Variants in ASH1L observed in about 807,000 individuals in gnomAD.
ASH1L encodes histone-lysine N-methyltransferase ASH1L.
ASH1L carries 23 observed loss-of-function variants against 269.0 expected under a neutral mutation model. The observed-to-expected ratio is 0.09, with a 90% CI of 0.06 to 0.12. The LOEUF is 0.12. Ranked by LOEUF, ASH1L falls within the 10% of genes least tolerant of loss-of-function variation. The probability of loss-of-function intolerance (pLI) is 1.00; values close to 1 mark genes in which losing one functional copy is unlikely to be tolerated. For synonymous variants in ASH1L, 1,187 were observed against 1,253.5 expected (o/e 0.95, Z 1.12); for missense variants, 2,912 against 3,567.8 (o/e 0.82, Z 4.68).
At chr1:155,520,695 T>C (rs1558187675) in intron 2 of ASH1L, among the ~76,000 whole-genome samples, 1 of 151,774 alleles carries the variant, frequency 6.6e-6, no homozygotes, top group Non-Finnish European at 1.5e-5. Flanking sequence ...AAACCCCGTC[T>C]CTACTAAAAA....
intron 2 of ASH1L, among the ~76,000 whole-genome samples, chr1:155,518,116 A>C (rs1668626380): frequency 6.6e-6 from 1 of 152,186 alleles, no homozygotes; most frequent in Non-Finnish European, 1.5e-5. Context: ...TTTCTTTAAC[A>C]AAGTTGCCAA....
chr1:155,430,605 C>T (rs927343920), intron 5 of ASH1L, among the ~76,000 whole-genome samples: 4 of 151,960 alleles, frequency 2.6e-5, no homozygotes, highest in Non-Finnish European at 4.4e-5. Context: ...TATTTATTCC[C>T]TTTCTCATTC....
chr1:155,480,166 T>G lies in ASH1L; in HGVS notation c.2704A>C (p.Lys902Gln). 3.1e-6 allele frequency: 5 copies of G among 1,614,150 alleles called. No individual in the cohort carries two copies. Among genetic ancestry groups the G allele is most frequent in the Non-Finnish European group, 4.2e-6 (5 of 1,179,992 alleles). ...ACTGACAGTACAGGTGGCTTCATCTTGACTGGTGACCTCATTTGCCTCTTA... is the reference window on the plus strand; with the variant it reads ...ACTGACAGTACAGGTGGCTTCATCTGGACTGGTGACCTCATTTGCCTCTTA... The part of the protein sequence containing the change: ...RPKRQMRSPV[K>Q]MKPPVLSVAP... The change falls in exon 3 of 28, where the codon AAG becomes CAG. Residue 902 changes from lysine (K) to glutamine (Q), a missense_variant. Coordinates refer to ENST00000392403, the MANE Select transcript of ASH1L (RefSeq NM_018489.3).
intron 6 of ASH1L, among the ~76,000 whole-genome samples, chr1:155,407,387 T>C (rs1354751523): frequency 6.6e-6 from 1 of 152,194 alleles, no homozygotes; most frequent in Non-Finnish European, 1.5e-5. Context: ...TTTACAATAT[T>C]ATATATACAA....
rs184394808 is a variant in ASH1L at position 155,383,002 on chromosome 1, C to T, written c.6104-2886G>A. On this transcript the variant is annotated intron_variant, in intron 7 of 27. Transcript: ENST00000392403. ...CCTCCCAAAGTGTTGGGATTACAGG[C>T]GTAAGCCGCCATGCCTGGCCCTCTT... 1.3e-4 allele frequency among the ~76,000 whole-genome samples: 20 copies of T among 152,182 alleles called. No individual in the cohort carries two copies. The East Asian group carries it at 3.9e-3, about 29-fold the overall frequency.
intron 19 of ASH1L, 119 bp from the exon 20 acceptor site, chr1:155,348,023 T>G: frequency 8.2e-7 from 1 of 1,219,600 alleles, no homozygotes; most frequent in South Asian, 1.4e-5. Flanking sequence ...TAACAGATTT[T>G]CAATAGTATC....
intron 1 of ASH1L, among the ~76,000 whole-genome samples, chr1:155,522,675 G>A (rs538817976): frequency 6.6e-6 from 1 of 151,806 alleles, no homozygotes; most frequent in East Asian, 1.9e-4. Context: ...AATCATTAGG[G>A]AGATTAGTGA....
At chr1:155,398,183 A>T (rs1658522994) in intron 6 of ASH1L, among the ~76,000 whole-genome samples, 1 of 152,248 alleles carries the variant, frequency 6.6e-6, no homozygotes. Context: ...AAACGCAGAT[A>T]TATGTAAAAG....
At chr1:155,449,280 A>C (rs1341985844) in intron 4 of ASH1L, among the ~76,000 whole-genome samples, 2 of 151,968 alleles carry the variant, frequency 1.3e-5, no homozygotes, top group Non-Finnish European at 2.9e-5. Flanking sequence ...TTCTGATTTC[A>C]TTTTTGGGGA....
intron 5 of ASH1L, among the ~76,000 whole-genome samples, chr1:155,422,347 A>G (rs1357796332): frequency 1.6e-5 from 2 of 124,578 alleles, no homozygotes; most frequent in Non-Finnish European, 1.6e-5. Flanking sequence ...TTGCTCTTGT[A>G]GCCCAGGCTG....
chr1:155,524,111 C>A (rs1293356023), intron 1 of ASH1L, among the ~76,000 whole-genome samples: 1 of 152,186 alleles, frequency 6.6e-6, no homozygotes, highest in East Asian at 1.9e-4. Flanking sequence ...TCAAACTTAT[C>A]TTTACTTCCC....
intron 5 of ASH1L, among the ~76,000 whole-genome samples, chr1:155,417,512 C>A (rs1660313034): frequency 6.6e-6 from 1 of 152,122 alleles, no homozygotes; most frequent in African/African-American, 2.4e-5. Flanking sequence ...AAAACTGTAA[C>A]CTGAGCAATT....
intron 3 of ASH1L, among the ~76,000 whole-genome samples, chr1:155,468,178 A>G (rs2148694615): frequency 6.6e-6 from 1 of 150,826 alleles, no homozygotes; most frequent in East Asian, 1.9e-4. Context: ...CAGGTCCTTG[A>G]TACTTTTTAG....
At chr1:155,409,007 T>C (rs1659541101) in intron 6 of ASH1L, among the ~76,000 whole-genome samples, 1 of 151,974 alleles carries the variant, frequency 6.6e-6, no homozygotes, top group South Asian at 2.1e-4. Flanking sequence ...CAAGAAATAA[T>C]GGAATTAGAA....
intron 3 of ASH1L, 138 bp downstream of exon 3, chr1:155,477,748 A>G: frequency 1.3e-6 from 1 of 788,046 alleles, no homozygotes; most frequent in Non-Finnish European, 1.8e-6. Context: ...AAGGAAAAGG[A>G]ATACTGAGAT....
Position 155,378,263 on chromosome 1 carries a change from A to G in ASH1L, c.6332+18T>C, listed in dbSNP as rs767972790. On this transcript the variant is annotated intron_variant, in intron 10 of 27. Coordinates refer to ENST00000392403, the MANE Select transcript of ASH1L (RefSeq NM_018489.3). ...ACCTTAAAGCCTATGCTTTAGAGAA[A>G]TCAAAGCATGACAGTACCTATTGAG... The G allele has an allele frequency of 3.8e-6, 6 of 1,584,750 alleles. No individual in the cohort carries two copies. The African/African-American group carries it at 8.1e-5, about 21-fold the overall frequency.
chr1:155,342,188 A>G, intron 24 of ASH1L, 86 bp from the exon 25 acceptor site: 1 of 1,297,958 alleles, frequency 7.7e-7, no homozygotes, highest in Non-Finnish European at 1.1e-6. Flanking sequence ...CCAATGGGAG[A>G]GCAGCTAGAC....
chr1:155,340,187 T>G (rs1294719985), intron 25 of ASH1L, among the ~76,000 whole-genome samples: 1 of 151,112 alleles, frequency 6.6e-6, no homozygotes, highest in Non-Finnish European at 1.5e-5. Flanking sequence ...TTAGCTTATT[T>G]TTCTTTCTTT....
chr1:155,509,194 TGGTGGCCG>T (rs1235391948), intron 2 of ASH1L, among the ~76,000 whole-genome samples: 1 of 152,130 alleles, frequency 6.6e-6, no homozygotes, highest in East Asian at 1.9e-4. Flanking sequence ...AACTGTATCA[TGGTGGCCG>T]GGTGCCATGG....
Sources: allele counts gnomAD v4.1 joint callset (sites outside exome capture counted in the v4.1 genomes callset), GRCh38; gene constraint gnomAD v4.1.1; transcripts MANE v1.5; gene names NCBI Gene and HGNC (gene_info 2026-07-23, HGNC 2026-07-21).